KCNK2: variants seen among roughly 807,000 people sequenced by gnomAD.
KCNK2 encodes potassium channel subfamily K member 2.
In KCNK2, 21 loss-of-function variants were observed where a neutral mutation model predicts 40.5. That is an observed-to-expected ratio of 0.52 (90% CI 0.37 to 0.75). The LOEUF is 0.75. Among genes scored for constraint, KCNK2 ranks in the 30% least tolerant of loss-of-function variants. The pLI, the probability that KCNK2 is intolerant of heterozygous loss-of-function variation, is 0.00. For synonymous variants in KCNK2, 191 were observed against 202.2 expected, an observed-to-expected ratio of 0.94 and a Z score of 0.47; for missense variants, 399 against 531.6, an observed-to-expected ratio of 0.75 and a Z score of 2.45.
At chr1:215,015,216 T>G (rs181763424) in intron 1 of KCNK2, among the ~76,000 whole-genome samples, 1 of 152,224 alleles carries the variant, frequency 6.6e-6, no homozygotes, top group Non-Finnish European at 1.5e-5. Context: ...AATTCTCTGT[T>G]TTTTGGGGCC....
intron 3 of KCNK2, among the ~76,000 whole-genome samples, chr1:215,158,438 G>A (rs1663026835): frequency 6.6e-6 from 1 of 152,082 alleles, no homozygotes; most frequent in African/African-American, 2.4e-5. Flanking sequence ...TGTAAACTTG[G>A]GGTTCTCATT....
intron 3 of KCNK2, among the ~76,000 whole-genome samples, chr1:215,159,580 G>A (rs780101372): frequency 2.6e-5 from 4 of 152,026 alleles, no homozygotes; most frequent in Non-Finnish European, 5.9e-5. Flanking sequence ...TACAATTGGG[G>A]AGCATTTTAA....
chr1:215,169,447 G>T, intron 4 of KCNK2, 88 bp downstream of exon 4: 2 of 1,021,370 alleles, frequency 2.0e-6, no homozygotes, highest in Non-Finnish European at 1.4e-6. Flanking sequence ...GATACAATTA[G>T]ACATTCAATT....
At chr1:215,118,644 T>C (rs1351587730) in intron 2 of KCNK2, among the ~76,000 whole-genome samples, 1 of 152,194 alleles carries the variant, frequency 6.6e-6, no homozygotes, top group Non-Finnish European at 1.5e-5. Flanking sequence ...TGTGTTACTG[T>C]ATATATGTCA....
chr1:215,101,114 T>G (rs1415604247), intron 2 of KCNK2, among the ~76,000 whole-genome samples: 1 of 152,090 alleles, frequency 6.6e-6, no homozygotes, highest in East Asian at 1.9e-4. Flanking sequence ...ATTCTGTGTT[T>G]CTGTTTTTGA....
At chr1:215,061,217 T>C (rs1202735949) in intron 1 of KCNK2, among the ~76,000 whole-genome samples, 1 of 152,176 alleles carries the variant, frequency 6.6e-6, no homozygotes, top group Non-Finnish European at 1.5e-5. Flanking sequence ...AGTTCAGTAT[T>C]AATGGATTTG....
At position 215,222,374 on chromosome 1, in the gene KCNK2, TGA is replaced by T. The variant is rs376805621; in HGVS notation, c.964-12452_964-12451del. On this transcript the variant is annotated intron_variant, in intron 6 of 6. Coordinates refer to ENST00000444842, the MANE Select transcript of KCNK2 (RefSeq NM_001017425.3). ...CAGTGATATGATGACAAAAATAAGT[TGA>T]GTTTACTCTGCAACAAGTGAGTGTT... 2.9e-3 allele frequency among the ~76,000 whole-genome samples: 448 copies of T among 152,314 alleles called. 3 individuals are homozygous for T. The highest frequency in any genetic ancestry group is 0.011 in the African/African-American group (438 of 41,564).
rs183779354 is a variant in KCNK2, at chr1:215,077,682, C to G, written c.35-8686C>G. On this transcript the variant is annotated intron_variant, in intron 1 of 6. Coordinates refer to the KCNK2 transcript ENST00000391895. The stretch of plus-strand genomic sequence containing the variant: ...TTACTGTCCACCACCAAGCCTCACT[C>G]TCTGAGCTTTCCAAATTCTCCCAGC... 8.5e-3 allele frequency among the ~76,000 whole-genome samples: 1,287 copies of G among 152,060 alleles called. 19 individuals carry two copies. Among genetic ancestry groups the G allele is most frequent in the Non-Finnish European group, 0.01 (695 of 67,982 alleles).
At chr1:215,047,890 G>A (rs145247010) in intron 1 of KCNK2, among the ~76,000 whole-genome samples, 11 of 152,278 alleles carry the variant, frequency 7.2e-5, no homozygotes, top group South Asian at 2.1e-4. Context: ...AAATAAGCTG[G>A]TGTTTCACAC....
intron 2 of KCNK2, among the ~76,000 whole-genome samples, chr1:215,115,938 C>T (rs943364893): frequency 1.4e-5 from 2 of 147,076 alleles, no homozygotes; most frequent in Non-Finnish European, 3.0e-5. Flanking sequence ...TTTAGAGTTG[C>T]ACAGGGTCTT....
intron 2 of KCNK2, among the ~76,000 whole-genome samples, chr1:215,093,863 A>T (rs1479588559): frequency 2.8e-5 from 1 of 36,284 alleles, no homozygotes; most frequent in Non-Finnish European, 5.7e-5. Flanking sequence ...ATTATATATA[A>T]AAATATATTA....
intron 1 of KCNK2, among the ~76,000 whole-genome samples, chr1:215,034,468 A>G (rs1571860874): frequency 6.6e-6 from 1 of 152,058 alleles, no homozygotes; most frequent in East Asian, 1.9e-4. Context: ...ATCCTAATGT[A>G]AGCATGTATC....
chr1:215,142,049 G>A (rs1335048804), intron 3 of KCNK2, among the ~76,000 whole-genome samples: 2 of 151,848 alleles, frequency 1.3e-5, no homozygotes, highest in South Asian at 2.1e-4. Flanking sequence ...TTTATATTCT[G>A]TGAGCTGCAT....
intron 3 of KCNK2, among the ~76,000 whole-genome samples, chr1:215,136,107 C>CT (rs1011177535): frequency 4.0e-5 from 6 of 151,452 alleles, no homozygotes; most frequent in East Asian, 3.9e-4. Flanking sequence ...ATGTTACCAC[C>CT]TTTTTTTTAC....
chr1:215,054,496 C>T (rs1658089894), intron 1 of KCNK2, among the ~76,000 whole-genome samples: 1 of 152,184 alleles, frequency 6.6e-6, no homozygotes, highest in South Asian at 2.1e-4. Flanking sequence ...CTTCCTCACA[C>T]ATATACCAGA....
At chr1:215,105,796 C>T (rs1660411471) in intron 2 of KCNK2, among the ~76,000 whole-genome samples, 1 of 151,910 alleles carries the variant, frequency 6.6e-6, no homozygotes, top group Non-Finnish European at 1.5e-5. Context: ...ATCTTTATGT[C>T]TGTGCATACT....
rs1666599196 is a variant in KCNK2, at chr1:215,230,511, A to ATATATATATGTATATATATATATATG, written c.964-4308_964-4307insGTATATATATATATATGTATATATAT. Among the ~76,000 whole-genome samples the ATATATATATGTATATATATATATATG allele has an allele frequency of 2.5e-4, 6 of 23,824 alleles. No homozygotes were observed. In the South Asian group the frequency reaches 0.015, roughly 59 times the overall value. The allele number at this position is 23,824 out of a possible 152,430, so 15.6% of individuals were successfully genotyped here. A position where few individuals can be genotyped will look rare whatever the true frequency, so the allele number is the denominator to read the frequency against. Reference sequence around the variant, plus strand: ...CACACACACACACACACGGCTGTATATATATATATATATATATATATGTAT... The same window carrying ATATATATATGTATATATATATATATG: ...CACACACACACACACACGGCTGTATATATATATATGTATATATATATATATGTATATATATATATATATATATGTAT... On this transcript the variant is annotated intron_variant, in intron 6 of 6. Transcript: ENST00000444842.
chr1:215,083,209 C>A lies in KCNK2; in HGVS notation c.-177C>A. 2.8e-5 allele frequency: 33 copies of A among 1,165,486 alleles called. No homozygotes were observed. The highest frequency in any genetic ancestry group is 3.5e-5 in the Non-Finnish European group (29 of 831,630). 72.2% of individuals were successfully genotyped at this position (1,165,486 alleles called of 1,614,324 possible). A position where few individuals can be genotyped will look rare whatever the true frequency, so the allele number is the denominator to read the frequency against. On this transcript the variant is annotated 5_prime_UTR_variant, in exon 1 of 7. Transcript: ENST00000444842. ...CTTCTCACGCTCCCCCCCCCGCCCC[C>A]TCCCGCGTCCAGCCCCGCTCTCCCC...
At chr1:215,134,552 T>C (rs1437609274) in intron 3 of KCNK2, among the ~76,000 whole-genome samples, 1 of 152,208 alleles carries the variant, frequency 6.6e-6, no homozygotes, top group Admixed American at 6.5e-5. Flanking sequence ...GAGATTTTTA[T>C]GAAAGCTTCA....
Sources: allele counts gnomAD v4.1 joint callset (sites outside exome capture counted in the v4.1 genomes callset), GRCh38; gene constraint gnomAD v4.1.1; transcripts MANE v1.5; gene names NCBI Gene and HGNC (gene_info 2026-07-23, HGNC 2026-07-21).